FCRL2: variants seen among roughly 807,000 people sequenced by gnomAD.
FCRL2 encodes the protein Fc receptor like 2, also known as Fc receptor-like protein 2.
Under a neutral mutation model 59.8 loss-of-function variants are expected in FCRL2, and 48 were observed. That is an observed-to-expected ratio of 0.80 (90% CI 0.64 to 1.02). FCRL2 has a LOEUF of 1.02. Ranked by LOEUF, FCRL2 falls within the 50% of genes least tolerant of loss-of-function variation. FCRL2 has a pLI of 0.00. For synonymous variants in FCRL2, 251 were observed against 229.5 expected (o/e 1.09, Z -0.85); for missense variants, 658 against 597.3 (o/e 1.10, Z -1.06).
chr1:157,758,792 A>T (rs1648800673), intron 7 of FCRL2, among the ~76,000 whole-genome samples: 1 of 152,032 alleles, frequency 6.6e-6, no homozygotes, highest in African/African-American at 2.4e-5. Context: ...ATCTACAACC[A>T]TCTGATCTTC....
chr1:157,748,860 A>G lies in FCRL2; in HGVS notation c.1393+15T>C, dbSNP rs748998233. ...CTGACTCAGCCTCAGAGCCCTTCCC[A>G]GTGGAGACACTCACCATTGACATAC... On this transcript the variant is annotated intron_variant, in intron 9 of 11. Coordinates refer to ENST00000361516, the MANE Select transcript of FCRL2 (RefSeq NM_030764.4). The G allele has an allele frequency of 1.2e-6, 2 of 1,611,088 alleles. No individual in the cohort carries two copies. Among genetic ancestry groups the G allele is most frequent in the South Asian group, 1.1e-5 (1 of 90,950 alleles).
At chr1:157,775,149 T>C (rs1363092201) in intron 2 of FCRL2, among the ~76,000 whole-genome samples, 1 of 152,192 alleles carries the variant, frequency 6.6e-6, no homozygotes, top group Non-Finnish European at 1.5e-5. Context: ...GCCAACACTG[T>C]TTTGGTAAAT....
At chr1:157,760,724 A>AAAG in intron 7 of FCRL2, among the ~76,000 whole-genome samples, 1 of 149,532 alleles carries the variant, frequency 6.7e-6, no homozygotes, top group East Asian at 2.1e-4. Context: ...AGAAAGAAAG[A>AAAG]AAGAAAGAAA....
intron 2 of FCRL2, 127 bp from the exon 3 acceptor site, chr1:157,770,793 C>T: frequency 1.0e-6 from 1 of 989,674 alleles, no homozygotes; most frequent in Non-Finnish European, 1.5e-6. Context: ...CCAATCCATG[C>T]CTTAATTACT....
chr1:157,766,934 T>A lies in FCRL2; in HGVS notation c.1200A>T (p.Gly400=). 2 of 1,614,114 alleles carry A rather than the reference T, an allele frequency of 1.2e-6. No individual in the cohort carries two copies. Among genetic ancestry groups the A allele is most frequent in the Non-Finnish European group, 1.7e-6 (2 of 1,179,992 alleles). Residue 400 remains glycine, a synonymous_variant, in exon 7 of 12, where the codon GGA becomes GGT. Coordinates refer to ENST00000361516, the MANE Select transcript of FCRL2 (RefSeq NM_030764.4). ...GGACACCAAACAGTCCCCAGAGAAC[T>A]CCAGCTGTCATGAGGTCTCTTCTAT... ...DGYRRDLMTA[G]VLWGLFGVLG... is the part of the protein sequence containing the mutation.
rs143574234 is a variant in FCRL2 at position 157,755,006 on chromosome 1, C to A, written c.1280-5329G>T. Among the ~76,000 whole-genome samples the A allele has an allele frequency of 3.6e-3, 552 of 151,882 alleles. 4 individuals are homozygous for A. The highest frequency in any genetic ancestry group is 0.012 in the African/African-American group (504 of 41,474). On this transcript the variant is annotated intron_variant, in intron 7 of 11. Transcript: ENST00000361516. ...GAAAAGAAAAAAAGGAGAACTTTTT[C>A]TATCATCTAAGAATGGGGAAGACCT...
chr1:157,767,671 A>G lies in FCRL2; in HGVS notation c.884-162T>C. 3 of 1,589,678 alleles carry G rather than the reference A, an allele frequency of 1.9e-6. No homozygotes were observed. In the South Asian group the frequency reaches 3.5e-5, roughly 19 times the overall value. ...AGTTAGAGATAATTTTCTCAACAAT[A>G]TATTTAGACGTTTGAGGGGAATATC... is the stretch of plus-strand genomic sequence containing the variant. On this transcript the variant is annotated intron_variant, in intron 5 of 11. Coordinates refer to ENST00000361516, the MANE Select transcript of FCRL2 (RefSeq NM_030764.4).
At chr1:157,775,723 G>A in intron 2 of FCRL2, 52 bp downstream of exon 2, 1 of 1,602,272 alleles carries the variant, frequency 6.2e-7, no homozygotes. Flanking sequence ...CTGGGGTAGT[G>A]GGGTGACTGA....
chr1:157,768,505 A>T lies in FCRL2; in HGVS notation c.792T>A (p.Ala264=). The change falls in exon 5 of 12, where the codon GCT becomes GCA. Residue 264 remains alanine (A), a synonymous_variant. Transcript: ENST00000361516. ...ATTTGCCGGCATCACTCTCTTTCAC[A>T]GCTGGGATCTCCAGCTCTGCTGACA... is the stretch of plus-strand genomic sequence containing the variant. ...RSLSAELEIP[A]VKESDAGKYY... The T allele has an allele frequency of 6.2e-7, 1 of 1,614,178 alleles. No individual in the cohort carries two copies.
At position 157,768,466 on chromosome 1, in the gene FCRL2, A is replaced by G. The variant is rs1342194114; in HGVS notation, c.831T>C (p.Ala277=). Residue 277 remains alanine (A), a synonymous_variant, in exon 5 of 12, where the codon GCT becomes GCC. Coordinates refer to ENST00000361516, the MANE Select transcript of FCRL2 (RefSeq NM_030764.4). ...ESDAGKYYCR[A]DNGHVPIQSK... is the part of the protein sequence containing the mutation. Reference sequence around the variant, plus strand: ...TCTGGATAGGCACATGGCCGTTGTCAGCTCTACAGTAATATTTGCCGGCAT... The same window carrying G: ...TCTGGATAGGCACATGGCCGTTGTCGGCTCTACAGTAATATTTGCCGGCAT... The G allele has an allele frequency of 6.2e-7, 1 of 1,614,112 alleles. No homozygotes were observed. The highest frequency in any genetic ancestry group is 2.2e-5 in the East Asian group (1 of 44,896).
intron 2 of FCRL2, 69 bp from the exon 3 acceptor site, chr1:157,770,735 G>C (rs1453207092): frequency 8.3e-6 from 13 of 1,558,050 alleles, no homozygotes; most frequent in Middle Eastern, 3.4e-4. Flanking sequence ...CATTGGCAGT[G>C]AGGTGGTCTC....
At chr1:157,752,154 A>G (rs1648240431) in intron 7 of FCRL2, among the ~76,000 whole-genome samples, 1 of 152,192 alleles carries the variant, frequency 6.6e-6, no homozygotes, top group South Asian at 2.1e-4. Flanking sequence ...CTAAAATTAT[A>G]TAGGAGTGAT....
intron 8 of FCRL2, among the ~76,000 whole-genome samples, chr1:157,749,344 C>G (rs749674208): frequency 2.0e-5 from 3 of 151,946 alleles, no homozygotes; most frequent in African/African-American, 4.8e-5. Context: ...GTTCTTTCCT[C>G]TAAATATCTA....
intron 2 of FCRL2, among the ~76,000 whole-genome samples, chr1:157,772,923 A>C (rs1650133878): frequency 6.6e-6 from 1 of 152,098 alleles, no homozygotes; most frequent in Non-Finnish European, 1.5e-5. Flanking sequence ...CTCAATTTAC[A>C]ACCTAGTTCT....
intron 7 of FCRL2, among the ~76,000 whole-genome samples, chr1:157,758,020 T>C (rs777240972): frequency 1.8e-4 from 28 of 152,240 alleles, no homozygotes; most frequent in Non-Finnish European, 4.4e-5. Context: ...CATTTTGTTA[T>C]GCTATCCCAA....
chr1:157,750,847 T>C lies in FCRL2; in HGVS notation c.1280-1170A>G, dbSNP rs114451190. On this transcript the variant is annotated intron_variant, in intron 7 of 11. Transcript: ENST00000361516. ...ATTATTTTAAAATGGACTTCAAAAA[T>C]AGTTCTACTATCTAAGCACTTTTGA... Among the ~76,000 whole-genome samples, 755 of 152,318 alleles carry C rather than the reference T, an allele frequency of 5.0e-3. 4 individuals carry two copies. Among genetic ancestry groups the C allele is most frequent in the African/African-American group, 0.017 (710 of 41,554 alleles).
intron 10 of FCRL2, 108 bp downstream of exon 10, chr1:157,748,441 CAAAT>C (rs58239785): frequency 0.1 from 36,923 of 354,094 alleles, 2,360 homozygotes; most frequent in Admixed American, 0.21. Context: ...GATAGATAGA[CAAAT>C]AAATAAATAA....
intron 5 of FCRL2, 130 bp from the exon 6 acceptor site, chr1:157,767,639 C>G: frequency 6.2e-7 from 1 of 1,611,066 alleles, no homozygotes; most frequent in Non-Finnish European, 8.5e-7. Context: ...CACATTCCCA[C>G]TAGAACAGTT....
At position 157,756,389 on chromosome 1, in the gene FCRL2, T is replaced by G. The variant is rs149374917; in HGVS notation, c.1280-6712A>C. Among the ~76,000 whole-genome samples, 42 of 152,322 alleles carry G rather than the reference T, an allele frequency of 2.8e-4. No individual in the cohort carries two copies. In the East Asian group the frequency reaches 7.9e-3, roughly 29 times the overall value. ...AACTCACCATGAAATAAATTGCCAGTTTGGGATATCTGGCCAGGCATGGTG... is the reference window on the plus strand; with the variant it reads ...AACTCACCATGAAATAAATTGCCAGGTTGGGATATCTGGCCAGGCATGGTG... On this transcript the variant is annotated intron_variant, in intron 7 of 11. Coordinates refer to ENST00000361516, the MANE Select transcript of FCRL2 (RefSeq NM_030764.4).
Sources: gnomAD v4.1 joint callset for allele counts (sites outside exome capture counted in the v4.1 genomes callset) on GRCh38, gnomAD v4.1.1 for gene constraint, MANE v1.5 for transcripts, NCBI Gene and HGNC (gene_info 2026-07-23, HGNC 2026-07-21) for gene names.